Variants in CEP128 observed in about 807,000 individuals in gnomAD.
The protein encoded by CEP128 is centrosomal protein 128, also known as centrosomal protein 128kDa.
Under a neutral mutation model 156.7 loss-of-function variants are expected in CEP128, and 132 were observed. That is an observed-to-expected ratio of 0.84 (90% CI 0.73 to 0.97). CEP128 has a LOEUF of 0.97. Among genes scored for constraint, CEP128 ranks in the 50% least tolerant of loss-of-function variants. CEP128 has a pLI of 0.00. For synonymous variants in CEP128, 469 were observed against 448.9 expected, an observed-to-expected ratio of 1.04 and a Z score of -0.57; for missense variants, 1,252 against 1,281.9, an observed-to-expected ratio of 0.98 and a Z score of 0.36.
chr14:80,869,123 TG>T (rs1887910166), intron 8 of CEP128, among the ~76,000 whole-genome samples: 20 of 151,964 alleles, frequency 1.3e-4, no homozygotes, highest in Non-Finnish European at 4.4e-5. Context: ...TTAGAACAAG[TG>T]GACCTAACAA....
In CEP128 at chr14:80,916,558, A is replaced by T; in HGVS notation, c.-11T>A. 2 of 1,607,792 alleles carry T rather than the reference A, an allele frequency of 1.2e-6. No individual in the cohort carries two copies. Among genetic ancestry groups the T allele is most frequent in the Non-Finnish European group, 1.7e-6 (2 of 1,176,872 alleles). ...GGATGATTCTGCCATTGATGTACAC[A>T]AATCCTTTTAAATAAATATAGGTCA... On this transcript the variant is annotated 5_prime_UTR_variant, in exon 3 of 25. Coordinates refer to ENST00000555265, the MANE Select transcript of CEP128 (RefSeq NM_152446.5).
chr14:80,858,774 C>A (rs1377755964), intron 9 of CEP128, among the ~76,000 whole-genome samples: 1 of 151,956 alleles, frequency 6.6e-6, no homozygotes, highest in Non-Finnish European at 1.5e-5. Context: ...GACATTTATG[C>A]AGCCAAAAAA....
At chr14:80,626,610 T>C (rs74415393) in intron 19 of CEP128, among the ~76,000 whole-genome samples, 4,412 of 151,474 alleles carry the variant, frequency 0.029, 224 homozygotes, top group African/African-American at 0.1. Flanking sequence ...AGACAACCAC[T>C]AGAAGCTGAA....
At chr14:80,807,074 T>C (rs66586819) in intron 13 of CEP128, among the ~76,000 whole-genome samples, 18,335 of 151,724 alleles carry the variant, frequency 0.12, 1,580 homozygotes, top group East Asian at 0.45. Flanking sequence ...CAAATAAATA[T>C]AATAATCTTT....
chr14:80,580,704 G>A (rs1891554148), intron 19 of CEP128, among the ~76,000 whole-genome samples: 1 of 152,064 alleles, frequency 6.6e-6, no homozygotes, highest in African/African-American at 2.4e-5. Context: ...TTAAAAATCT[G>A]TAATCATACC....
intron 19 of CEP128, among the ~76,000 whole-genome samples, chr14:80,685,558 G>C (rs1896491791): frequency 6.6e-6 from 1 of 151,936 alleles, no homozygotes; most frequent in Non-Finnish European, 1.5e-5. Context: ...CCTCTATCAA[G>C]CTACCAGTGT....
In CEP128 at chr14:80,625,267, G is replaced by C. The variant is rs190061346; in HGVS notation, c.2807-44844C>G. Among the ~76,000 whole-genome samples the C allele has an allele frequency of 1.5e-4, 23 of 152,236 alleles. No individual in the cohort carries two copies. The East Asian group carries it at 4.2e-3, about 28-fold the overall frequency. On this transcript the variant is annotated intron_variant, in intron 19 of 24. Coordinates refer to ENST00000555265, the MANE Select transcript of CEP128 (RefSeq NM_152446.5). ...CAAAATCAGTTAGTTGTAAATGTGTGAATTCATTTCCGGTTCTCTATTCTG... is the reference window on the plus strand; with the variant it reads ...CAAAATCAGTTAGTTGTAAATGTGTCAATTCATTTCCGGTTCTCTATTCTG...
intron 8 of CEP128, among the ~76,000 whole-genome samples, chr14:80,875,433 T>C (rs1002131643): frequency 1.3e-5 from 2 of 152,108 alleles, no homozygotes; most frequent in Non-Finnish European, 2.9e-5. Flanking sequence ...CAAACAAAAA[T>C]AACTAAAGAA....
At chr14:80,956,074 A>G (rs1886660713) in intron 2 of CEP128, 1 of 617,226 alleles carries the variant, frequency 1.6e-6, no homozygotes, top group Non-Finnish European at 2.9e-6. Flanking sequence ...ACACAGGAAA[A>G]TGTTACAAAA....
chr14:80,527,141 G>A lies in CEP128; in HGVS notation c.2959-159C>T, dbSNP rs1889010974. 1.3e-5 allele frequency: 7 copies of A among 554,086 alleles called. No individual in the cohort carries two copies. The South Asian group carries it at 1.6e-4, about 13-fold the overall frequency. The allele number at this position is 554,086 out of a possible 1,614,324, so 34.3% of individuals were successfully genotyped here. A position where few individuals can be genotyped will look rare whatever the true frequency, so the allele number is the denominator to read the frequency against. On this transcript the variant is annotated intron_variant, in intron 22 of 24. Transcript: ENST00000555265. The stretch of plus-strand genomic sequence containing the variant: ...AGAATCACAGGCCACCATAGAGAAA[G>A]AAGAAGGCTACACACAGTGGCTCAA...
intron 19 of CEP128, among the ~76,000 whole-genome samples, chr14:80,677,317 CT>C (rs1430825928): frequency 6.6e-6 from 1 of 151,964 alleles, no homozygotes; most frequent in Non-Finnish European, 1.5e-5. Flanking sequence ...CAAGACCAGC[CT>C]GGCCAACATG....
At position 80,647,100 on chromosome 14, in the gene CEP128, T is replaced by C. The variant is rs1233398158; in HGVS notation, c.2807-66677A>G. Among the ~76,000 whole-genome samples the C allele has an allele frequency of 6.7e-5, 7 of 104,510 alleles. 1 individual carries two copies. Among genetic ancestry groups the C allele is most frequent in the African/African-American group, 2.2e-4 (6 of 27,442 alleles). The allele number at this position is 104,510 out of a possible 152,430, so 68.6% of individuals were successfully genotyped here. A position where few individuals can be genotyped will look rare whatever the true frequency, so the allele number is the denominator to read the frequency against. On this transcript the variant is annotated intron_variant, in intron 19 of 24. Transcript: ENST00000555265. The stretch of plus-strand genomic sequence containing the variant: ...ATATATATATATACACCCTTATAAA[T>C]ACACATACACACACACACACACACA...
At chr14:80,700,411 G>A (rs1182904441) in intron 19 of CEP128, among the ~76,000 whole-genome samples, 1 of 151,964 alleles carries the variant, frequency 6.6e-6, no homozygotes, top group Admixed American at 6.6e-5. Flanking sequence ...CAGGGAAGAT[G>A]CGCGTCATTA....
At chr14:80,913,134 T>C (rs1270015907) in intron 4 of CEP128, among the ~76,000 whole-genome samples, 1 of 152,202 alleles carries the variant, frequency 6.6e-6, no homozygotes, top group African/African-American at 2.4e-5. Flanking sequence ...GGAACATCCT[T>C]GAAAGGGCAA....
intron 8 of CEP128, among the ~76,000 whole-genome samples, chr14:80,887,235 C>T (rs1888852426): frequency 6.6e-6 from 1 of 152,142 alleles, no homozygotes; most frequent in South Asian, 2.1e-4. Context: ...AGAAAATTAA[C>T]AAGGATATTC....
chr14:80,676,423 C>T (rs1185210152), intron 19 of CEP128, among the ~76,000 whole-genome samples: 1 of 150,206 alleles, frequency 6.7e-6, no homozygotes, highest in Non-Finnish European at 1.5e-5. Flanking sequence ...TGCTGACTTT[C>T]ATTATTTCTA....
chr14:80,834,482 G>C (rs567534826), intron 12 of CEP128, among the ~76,000 whole-genome samples: 71 of 152,254 alleles, frequency 4.7e-4, no homozygotes, highest in African/African-American at 1.7e-3. Context: ...AATATGATAA[G>C]TATGATTTCT....
chr14:80,553,680 T>C (rs1748724043), intron 21 of CEP128, among the ~76,000 whole-genome samples: 1 of 152,222 alleles, frequency 6.6e-6, no homozygotes, highest in Admixed American at 6.5e-5. Flanking sequence ...TTATGTACTT[T>C]GAATTTTTTG....
At chr14:80,683,732 A>G (rs1271946005) in intron 19 of CEP128, among the ~76,000 whole-genome samples, 1 of 152,164 alleles carries the variant, frequency 6.6e-6, no homozygotes, top group Non-Finnish European at 1.5e-5. Flanking sequence ...GAAAGTCTCA[A>G]TACATTCAAA....
Sources: allele counts gnomAD v4.1 joint callset (sites outside exome capture counted in the v4.1 genomes callset), GRCh38; gene constraint gnomAD v4.1.1; transcripts MANE v1.5; gene names NCBI Gene and HGNC (gene_info 2026-07-23, HGNC 2026-07-21).